Variants in CBLIF observed in about 807,000 individuals in gnomAD.
CBLIF encodes gastric intrinsic factor (vitamin B synthesis).
CBLIF carries 24 observed loss-of-function variants against 44.9 expected under a neutral mutation model. The observed-to-expected ratio is 0.53, with a 90% CI of 0.39 to 0.75. CBLIF has a LOEUF of 0.75. Ranked by LOEUF, CBLIF falls within the 30% of genes least tolerant of loss-of-function variation. The pLI, the probability that CBLIF is intolerant of heterozygous loss-of-function variation, is 0.00. For synonymous variants in CBLIF, 183 were observed against 190.9 expected, an observed-to-expected ratio of 0.96 and a Z score of 0.34; for missense variants, 481 against 513.0, an observed-to-expected ratio of 0.94 and a Z score of 0.60.
In CBLIF at chr11:59,837,369, AAGAG is replaced by A; in HGVS notation, c.694-22_694-19del. 2 of 1,583,832 alleles carry A rather than the reference AAGAG, an allele frequency of 1.3e-6. No homozygotes were observed. The highest frequency in any genetic ancestry group is 8.7e-7 in the Non-Finnish European group (1 of 1,152,586). Reference sequence around the variant, plus strand: ...GAGAGAGCCTGGGAAGGAAGACAGAAAGAGAGAGAAAGAGTAATTAGGCATAGCT... The same window carrying A: ...GAGAGAGCCTGGGAAGGAAGACAGAAAGAGAAAGAGTAATTAGGCATAGCT... On this transcript the variant is annotated intron_variant, in intron 5 of 8. Transcript: ENST00000257248.
rs149030651 is a variant in CBLIF, at chr11:59,844,011, G to A, written c.124C>T (p.Leu42Phe). 1.7e-5 allele frequency: 28 copies of A among 1,613,862 alleles called. No individual in the cohort carries two copies. In the African/African-American group the frequency reaches 3.6e-4, roughly 21 times the overall value. The change falls in exon 2 of 9, where the codon CTC (leucine) becomes TTC (phenylalanine). Residue 42 changes from leucine to phenylalanine, a missense_variant. By Grantham distance (22) the Leu-to-Phe change is conservative. Transcript: ENST00000257248. ...QEPLVNGIQV[L>F]MENSVTSSAY... ...GATGAAGTCACCGAGTTCTCCATGA[G>A]TACTTGTATTCCATTGACCAAGGGC...
At chr11:59,829,642 A>G in intron 8 of CBLIF, 97 bp from the exon 9 acceptor site, 2 of 762,196 alleles carry the variant, frequency 2.6e-6, no homozygotes, top group Non-Finnish European at 4.8e-6. Context: ...TGAACCCATT[A>G]AATGTTTTTA....
At chr11:59,843,619 C>T (rs76075321) in intron 2 of CBLIF, among the ~76,000 whole-genome samples, 79 of 152,260 alleles carry the variant, frequency 5.2e-4, no homozygotes, top group Non-Finnish European at 8.8e-4. Flanking sequence ...AGAGTTATGA[C>T]GTGGCAGAGC....
In CBLIF at chr11:59,837,165, A is replaced by T. The variant is rs1866466461; in HGVS notation, c.871+9T>A. The stretch of plus-strand genomic sequence containing the variant: ...TGCTTTATGACATAAGGAGAGGTGG[A>T]TGTCTTACCAGGACTACAAGTGACC... On this transcript the variant is annotated intron_variant, in intron 6 of 8. Coordinates refer to ENST00000257248, the MANE Select transcript of CBLIF (RefSeq NM_005142.3). 1 of 1,607,382 alleles carries T rather than the reference A, an allele frequency of 6.2e-7. No individual in the cohort carries two copies. Among genetic ancestry groups the T allele is most frequent in the African/African-American group, 1.3e-5 (1 of 74,894 alleles).
intron 5 of CBLIF, among the ~76,000 whole-genome samples, chr11:59,839,646 T>G (rs1019039854): frequency 4.6e-5 from 7 of 152,120 alleles, no homozygotes; most frequent in Non-Finnish European, 1.0e-4. Context: ...AAGTTCCAGA[T>G]AGAGGCAGTA....
chr11:59,844,964 C>T (rs567576943), intron 1 of CBLIF, among the ~76,000 whole-genome samples: 17 of 152,148 alleles, frequency 1.1e-4, no homozygotes, highest in Admixed American at 1.3e-4. Context: ...TCTCCTACCT[C>T]AGCTTTCTGA....
chr11:59,831,862 G>A (rs1428838205), intron 7 of CBLIF, 66 bp from the exon 8 acceptor site: 1 of 794,990 alleles, frequency 1.3e-6, no homozygotes, highest in African/African-American at 1.7e-5. Context: ...TAAGATGAAG[G>A]GATAGAGACA....
chr11:59,838,671 C>T (rs1866484805), intron 5 of CBLIF, among the ~76,000 whole-genome samples: 1 of 152,096 alleles, frequency 6.6e-6, no homozygotes, highest in African/African-American at 2.4e-5. Context: ...TCCTCAGCAA[C>T]AATATCTTGT....
At position 59,829,455 on chromosome 11, in the gene CBLIF, GT is replaced by G; in HGVS notation, c.*28del. On this transcript the variant is annotated 3_prime_UTR_variant, in exon 9 of 9. Transcript: ENST00000257248. ...AAAATTTCACCCATCCTTTGGAGATGTTTGATAGAAGCTGAACCCACCTCTT... is the reference window on the plus strand; with the variant it reads ...AAAATTTCACCCATCCTTTGGAGATGTTGATAGAAGCTGAACCCACCTCTT... 6.7e-7 allele frequency: 1 copy of G among 1,489,706 alleles called. No homozygotes were observed. Among genetic ancestry groups the G allele is most frequent in the Non-Finnish European group, 9.4e-7 (1 of 1,066,372 alleles). The allele number at this position is 1,489,706 out of a possible 1,614,324, so 92.3% of individuals were successfully genotyped here.
Position 59,843,096 on chromosome 11 carries a change from G to A in CBLIF, c.302C>T (p.Ser101Phe). 6.2e-7 allele frequency: 1 copy of A among 1,613,936 alleles called. No homozygotes were observed. Reference protein sequence around the residue: ...QLGLTIMALTSSCRDPGDKVS... With the variant: ...QLGLTIMALTFSCRDPGDKVS... ...TTTATCCCCAGGGTCTCGGCAGGAG[G>A]AGGTGAGGGCCATGATGGTGAGGCC... Residue 101 changes from serine (S) to phenylalanine (F), a missense_variant, in exon 3 of 9, where the codon TCC becomes TTC. Transcript: ENST00000257248.
chr11:59,836,876 T>A (rs1264575665), intron 6 of CBLIF, among the ~76,000 whole-genome samples: 1 of 152,250 alleles, frequency 6.6e-6, no homozygotes, highest in Non-Finnish European at 1.5e-5. Context: ...TGAAGCTATA[T>A]GTTGTTTGAT....
Position 59,829,557 on chromosome 11 carries a change from C to T in CBLIF, c.1193-12G>A, listed in dbSNP as rs1158289058. 6.3e-7 allele frequency: 1 copy of T among 1,578,054 alleles called. No homozygotes were observed. The highest frequency in any genetic ancestry group is 8.7e-7 in the Non-Finnish European group (1 of 1,147,318). On this transcript the variant is annotated splice_polypyrimidine_tract_variant and intron_variant, in intron 8 of 8. Transcript: ENST00000257248. Reference sequence around the variant, plus strand: ...GTAGTCAGCAACCCCTGGAAATAAGCAGAGAATAACATGAGGTGACTGTGG... The same window carrying T: ...GTAGTCAGCAACCCCTGGAAATAAGTAGAGAATAACATGAGGTGACTGTGG...
chr11:59,830,582 A>T (rs1416239998), intron 8 of CBLIF, among the ~76,000 whole-genome samples: 2 of 152,086 alleles, frequency 1.3e-5, no homozygotes, highest in Non-Finnish European at 2.9e-5. Flanking sequence ...GTGTATGTTT[A>T]TGGGGTATAT....
intron 5 of CBLIF, 122 bp downstream of exon 5, chr11:59,841,021 A>G: frequency 1.2e-6 from 1 of 810,648 alleles, no homozygotes; most frequent in Admixed American, 1.7e-5. Flanking sequence ...CACCACAAAG[A>G]ATATATCTCA....
At chr11:59,837,043 G>T in intron 6 of CBLIF, 131 bp downstream of exon 6, 1 of 758,612 alleles carries the variant, frequency 1.3e-6, no homozygotes, top group East Asian at 2.6e-5. Context: ...CTTAAGGACT[G>T]GGAGTCAGAT....
At chr11:59,838,428 A>G (rs532937142) in intron 5 of CBLIF, among the ~76,000 whole-genome samples, 2 of 152,268 alleles carry the variant, frequency 1.3e-5, no homozygotes, top group Admixed American at 6.5e-5. Flanking sequence ...TATGGCCACC[A>G]GAGCATGTTA....
At chr11:59,841,661 T>C (rs1366169191) in intron 4 of CBLIF, among the ~76,000 whole-genome samples, 1 of 152,150 alleles carries the variant, frequency 6.6e-6, no homozygotes, top group Non-Finnish European at 1.5e-5. Context: ...GGGAGACCAG[T>C]CTGTTCTTAA....
chr11:59,843,656 G>A (rs945026704), intron 2 of CBLIF, among the ~76,000 whole-genome samples: 3 of 152,170 alleles, frequency 2.0e-5, no homozygotes, highest in Admixed American at 6.5e-5. Flanking sequence ...CTCTTTCGAC[G>A]TCTAGTCCAG....
At chr11:59,844,702 A>G (rs1440789004) in intron 1 of CBLIF, among the ~76,000 whole-genome samples, 1 of 152,186 alleles carries the variant, frequency 6.6e-6, no homozygotes, top group Non-Finnish European at 1.5e-5. Flanking sequence ...CATGAAGAGT[A>G]TTAAAGATTT....
Sources: gnomAD v4.1 joint callset for allele counts (sites outside exome capture counted in the v4.1 genomes callset) on GRCh38, gnomAD v4.1.1 for gene constraint, MANE v1.5 for transcripts, NCBI Gene and HGNC (gene_info 2026-07-23, HGNC 2026-07-21) for gene names.